PRAG1: variants seen among roughly 807,000 people sequenced by gnomAD.
The protein encoded by PRAG1 is PEAK1 related, kinase-activating pseudokinase 1.
A neutral mutation model predicts 95.6 loss-of-function variants in PRAG1; 110 were observed. That is an observed-to-expected ratio of 1.15 (90% confidence interval 0.99 to 1.35). The LOEUF is 1.35. PRAG1 is among the 40% of genes most tolerant of loss of function. The pLI, the probability that PRAG1 is intolerant of heterozygous loss-of-function variation, is 0.00. For missense variants in PRAG1, 2,554 were observed against 1,864.7 expected, an observed-to-expected ratio of 1.37 and a Z score of -6.81; for synonymous variants, 1,052 against 819.4, an observed-to-expected ratio of 1.28 and a Z score of -4.85.
chr8:8,364,256 T>C (rs1284401167), intron 3 of PRAG1, among the ~76,000 whole-genome samples: 1 of 152,220 alleles, frequency 6.6e-6, no homozygotes, highest in African/African-American at 2.4e-5. Context: ...TTTATGCTTC[T>C]CTGATTATTA....
At position 8,319,010 on chromosome 8, in the gene PRAG1, ACGCGC is replaced by A. The variant is rs1388279073; in HGVS notation, c.3360_3364del (p.Arg1121ValfsTer132). The A allele has an allele frequency of 1.9e-6, 3 of 1,613,364 alleles. No individual in the cohort carries two copies. The highest frequency in any genetic ancestry group is 2.5e-6 in the Non-Finnish European group (3 of 1,179,782). On this transcript the variant is annotated frameshift_variant, in exon 6 of 6. Transcript: ENST00000615670. LOFTEE classifies it high-confidence loss of function. ...GCAGAGTTGCAGAAGCAGGAAGCAC[ACGCGC>A]CGCTCGTACGCCTCGGGCTCCGCCT... is the stretch of plus-strand genomic sequence containing the variant.
intron 2 of PRAG1, 57 bp downstream of exon 2, chr8:8,381,361 A>C (rs1386261759): frequency 4.6e-6 from 7 of 1,519,984 alleles, no homozygotes; most frequent in Non-Finnish European, 6.3e-6. Context: ...GCCAGTCACC[A>C]AGTGTTCAAA....
intron 3 of PRAG1, among the ~76,000 whole-genome samples, chr8:8,347,115 C>G (rs565449740): frequency 1.3e-5 from 2 of 152,208 alleles, no homozygotes; most frequent in African/African-American, 2.4e-5. Flanking sequence ...GTTTTAAACT[C>G]AAACAACCAA....
At chr8:8,354,292 G>C (rs541945784) in intron 3 of PRAG1, among the ~76,000 whole-genome samples, 1 of 151,638 alleles carries the variant, frequency 6.6e-6, no homozygotes, top group South Asian at 2.1e-4. Flanking sequence ...ACGTTCCAAC[G>C]AAGAAAACCC....
intron 3 of PRAG1, among the ~76,000 whole-genome samples, chr8:8,347,505 T>G (rs1799384265): frequency 6.6e-6 from 1 of 152,230 alleles, no homozygotes; most frequent in African/African-American, 2.4e-5. Context: ...TAAGTTTCTC[T>G]TCATTTATTC....
At chr8:8,385,148 T>A (rs1163188290) in intron 1 of PRAG1, among the ~76,000 whole-genome samples, 2 of 152,202 alleles carry the variant, frequency 1.3e-5, no homozygotes, top group African/African-American at 4.8e-5. Context: ...CTAAAATTTT[T>A]TTCTGTATGT....
At chr8:8,368,159 T>C (rs973333581) in intron 3 of PRAG1, among the ~76,000 whole-genome samples, 2 of 152,204 alleles carry the variant, frequency 1.3e-5, no homozygotes, top group African/African-American at 4.8e-5. Context: ...GGGGGAACAT[T>C]CAACAGTGAT....
At chr8:8,339,328 T>C (rs902850238) in intron 4 of PRAG1, 150 bp downstream of exon 4, 2 of 816,924 alleles carry the variant, frequency 2.4e-6, no homozygotes, top group Non-Finnish European at 3.7e-6. Context: ...ATAATTGACT[T>C]CAACAGCTCC....
rs200619788 is a variant in PRAG1, at chr8:8,327,802, G to C, written c.2980C>G (p.Leu994Val). ...FNENNWSLFKLTCNKPCCDSG... is the reference protein window; with the variant it reads ...FNENNWSLFKVTCNKPCCDSG... The stretch of plus-strand genomic sequence containing the variant: ...TCACAGCAGGGCTTGTTACAAGTCA[G>C]CTTGAAGAGCGACCAGTTATTCTCA... Residue 994 changes from leucine (L) to valine (V), a missense_variant, in exon 5 of 6, where the codon CTG becomes GTG. By Grantham distance (32) the Leu-to-Val change is conservative (BLOSUM62 1). Transcript: ENST00000615670. The C allele has an allele frequency of 1.5e-5, 24 of 1,614,124 alleles. No homozygotes were observed. Among genetic ancestry groups the C allele is most frequent in the Non-Finnish European group, 6.8e-6 (8 of 1,180,058 alleles).
chr8:8,324,057 G>C (rs542469233), intron 5 of PRAG1, among the ~76,000 whole-genome samples: 16 of 152,308 alleles, frequency 1.1e-4, no homozygotes, highest in Non-Finnish European at 8.8e-5. Context: ...AAATGATGCA[G>C]GCATGGCTCT....
intron 3 of PRAG1, among the ~76,000 whole-genome samples, chr8:8,344,858 G>T (rs939717030): frequency 2.0e-5 from 3 of 152,158 alleles, no homozygotes; most frequent in African/African-American, 7.2e-5. Flanking sequence ...ACGAGGGTTG[G>T]TTCCACCACA....
intron 4 of PRAG1, among the ~76,000 whole-genome samples, chr8:8,332,267 T>A (rs1798844425): frequency 6.6e-6 from 1 of 151,948 alleles, no homozygotes; most frequent in East Asian, 1.9e-4. Context: ...GTTCAAGTGA[T>A]TCTCCTGCAT....
rs1309823319 is a variant in PRAG1 at position 8,377,283 on chromosome 8, T to C, written c.1126A>G (p.Lys376Glu). 6.2e-7 allele frequency: 1 copy of C among 1,612,680 alleles called. No homozygotes were observed. Among genetic ancestry groups the C allele is most frequent in the Non-Finnish European group, 8.5e-7 (1 of 1,179,934 alleles). Reference sequence around the variant, plus strand: ...CCTGGGCAGCCAGGGTCCTGCTGCTTCTCTGGGGCAGGTTCCTTCATGAGG... The same window carrying C: ...CCTGGGCAGCCAGGGTCCTGCTGCTCCTCTGGGGCAGGTTCCTTCATGAGG... ...CSLMKEPAPE[K>E]QQDPGCPGVT... The change falls in exon 3 of 6, where the codon AAG becomes GAG. Residue 376 changes from lysine (K) to glutamate (E), a missense_variant. By Grantham distance (56) the Lys-to-Glu change is moderately conservative. Transcript: ENST00000615670.
At chr8:8,373,566 C>A (rs1800283991) in intron 3 of PRAG1, among the ~76,000 whole-genome samples, 1 of 151,736 alleles carries the variant, frequency 6.6e-6, no homozygotes, top group Non-Finnish European at 1.5e-5. Flanking sequence ...CCTCCCACCT[C>A]AGCCCCCAGA....
At position 8,319,237 on chromosome 8, in the gene PRAG1, G is replaced by A. The variant is rs1190282735; in HGVS notation, c.3138C>T (p.Asn1046=). The A allele has an allele frequency of 6.4e-7, 1 of 1,563,130 alleles. No homozygotes were observed. Among genetic ancestry groups the A allele is most frequent in the East Asian group, 2.3e-5 (1 of 43,434 alleles). ...CGAAGTGGCCGCAGTCCTGCTGGAT[G>A]TTAAAGTGCACGGGCACGGACGGGC... The part of the protein sequence containing the change: ...YCSPSVPVHF[N]IQQDCGHFVA... Residue 1046 remains asparagine, a synonymous_variant, in exon 6 of 6, where the codon AAC becomes AAT. Coordinates refer to ENST00000615670, the MANE Select transcript of PRAG1 (RefSeq NM_001080826.3).
chr8:8,342,318 G>A (rs1218102735), intron 3 of PRAG1, among the ~76,000 whole-genome samples: 1 of 149,714 alleles, frequency 6.7e-6, no homozygotes, highest in Non-Finnish European at 1.5e-5. Context: ...TCAGCCTCCC[G>A]AGTAGCTGGG....
At position 8,318,165 on chromosome 8, in the gene PRAG1, G is replaced by A; in HGVS notation, c.4210C>T (p.Gln1404Ter). ...GGCTGGGGCTTGGCTCACAGAAGCT[G>A]CAGGAGCTTCAGCGACTGTAAGAGG... ...GALLQSLKLLQLL is the reference protein window; with the variant it reads ...GALLQSLKLL Residue 1404 changes from glutamine (Q) to a stop codon, truncating the protein, a stop_gained, in exon 6 of 6, where the codon CAG (glutamine) becomes TAG (stop). Transcript: ENST00000615670. LOFTEE classifies it high-confidence loss of function. The surrounding 1 kb of genome is among the most constrained non-coding windows in gnomAD (Gnocchi z 4.2). 2 of 1,612,848 alleles carry A rather than the reference G, an allele frequency of 1.2e-6. No individual in the cohort carries two copies. Among genetic ancestry groups the A allele is most frequent in the Non-Finnish European group, 1.7e-6 (2 of 1,179,378 alleles).
chr8:8,327,083 A>G (rs1352406538), intron 5 of PRAG1, among the ~76,000 whole-genome samples: 1 of 152,178 alleles, frequency 6.6e-6, no homozygotes, highest in Non-Finnish European at 1.5e-5. Context: ...GATTGTGGCA[A>G]AGTACCTGGC....
At chr8:8,379,569 T>C (rs1268701415) in intron 2 of PRAG1, among the ~76,000 whole-genome samples, 2 of 152,174 alleles carry the variant, frequency 1.3e-5, no homozygotes, top group Non-Finnish European at 2.9e-5. Context: ...GAAATGCCTC[T>C]CCTCAATGAA....
Sources: gnomAD v4.1 joint callset for allele counts (sites outside exome capture counted in the v4.1 genomes callset) on GRCh38, gnomAD v4.1.1 for gene constraint, Gnocchi (gnomAD v3.1) non-coding constraint, MANE v1.5 for transcripts, NCBI Gene and HGNC (gene_info 2026-07-23, HGNC 2026-07-21) for gene names.